The following ATIC variants were observed in gnomAD, a reference collection of about 807,000 sequenced individuals.
ATIC encodes 5-aminoimidazole-4-carboxamide ribonucleotide formyltransferase/IMP cyclohydrolase.
ATIC carries 64 observed loss-of-function variants against 72.5 expected under a neutral mutation model. The ratio of observed to expected loss-of-function variants is 0.88; its 90% CI spans 0.72 to 1.09. The LOEUF (loss-of-function observed/expected upper bound fraction) is 1.09, where lower values mean the gene tolerates loss of function less well. Ranked by LOEUF, ATIC falls within the 50% of genes least tolerant of loss-of-function variation. The probability of loss-of-function intolerance (pLI) is 0.00; values close to 1 mark genes in which losing one functional copy is unlikely to be tolerated. For missense variants in ATIC, 787 were observed against 732.4 expected (o/e 1.07, Z -0.86); for synonymous variants, 281 against 267.1 (o/e 1.05, Z -0.51).
At chr2:215,364,623 C>G in the ATIC span, 2 of 561,778 alleles carry the variant, frequency 3.6e-6, no homozygotes, top group Non-Finnish European at 6.4e-6. Context: ...AAGAATGACT[C>G]AAGACTTGTG....
At chr2:215,362,897 GAGTC>G in the ATIC span, 4 of 152,452 alleles carry the variant, frequency 2.6e-5, no homozygotes, top group Non-Finnish European at 1.5e-5. Flanking sequence ...GAGCAAGAGG[GAGTC>G]CGGGCGCCAT....
rs1443702390 is a variant in ATIC, at chr2:215,333,341, T to G, written c.815-9T>G. On this transcript the variant is annotated splice_polypyrimidine_tract_variant and intron_variant, in intron 8 of 15. Transcript: ENST00000236959. ...TTCTTTGTTTATGATTTTACTATTT[T>G]CTAACCAGGTGCTGCTGTTGGAATT... 1 of 1,612,712 alleles carries G rather than the reference T, an allele frequency of 6.2e-7. No homozygotes were observed. The highest frequency in any genetic ancestry group is 8.5e-7 in the Non-Finnish European group (1 of 1,178,846).
At chr2:215,367,833 C>A in the ATIC span, 67 of 1,611,808 alleles carry the variant, frequency 4.2e-5, no homozygotes, top group Admixed American at 1.1e-3. Context: ...GAGACAAACA[C>A]GGAAGTGGAT....
rs768294113 is a variant in ATIC, at chr2:215,349,640, G to A, written c.1764G>A (p.Arg588=). The stretch of plus-strand genomic sequence containing the variant: ...TCATCCTCGCTCATACGAACCTTCG[G>A]CTCTTCCACCACTGATTTTACCACA... The part of the protein sequence containing the change: ...LGIILAHTNL[R]LFHH Residue 588 remains arginine, a synonymous_variant, in exon 16 of 16, where the codon CGG becomes CGA. Transcript: ENST00000236959. 6.2e-7 allele frequency: 1 copy of A among 1,614,128 alleles called. No homozygotes were observed. The highest frequency in any genetic ancestry group is 1.1e-5 in the South Asian group (1 of 91,070).
At chr2:215,333,913 G>T (rs1391484991) in intron 9 of ATIC, among the ~76,000 whole-genome samples, 3 of 151,654 alleles carry the variant, frequency 2.0e-5, no homozygotes, top group Admixed American at 6.6e-5. Flanking sequence ...GTGGTGGGGG[G>T]TACCTGTAGT....
chr2:215,335,087 A>C (rs1575121308), intron 10 of ATIC, 83 bp downstream of exon 10: 1 of 791,750 alleles, frequency 1.3e-6, no homozygotes, highest in East Asian at 3.1e-5. Flanking sequence ...CATAACCTAT[A>C]ATATTTATAT....
At chr2:215,363,753 C>G in the ATIC span, 1 of 138,538 alleles carries the variant, frequency 7.2e-6, no homozygotes, top group African/African-American at 2.5e-5. Flanking sequence ...CTGTCACATT[C>G]CATTGCTTTT....
At chr2:215,333,749 G>A (rs1052923676) in intron 9 of ATIC, among the ~76,000 whole-genome samples, 1 of 152,104 alleles carries the variant, frequency 6.6e-6, no homozygotes, top group Non-Finnish European at 1.5e-5. Flanking sequence ...AAAAGTGTAT[G>A]TTAGTATTTT....
chr2:215,350,991 C>G (rs1049522865), downstream of ATIC, among the ~76,000 whole-genome samples: 3 of 152,200 alleles, frequency 2.0e-5, no homozygotes, highest in Non-Finnish European at 4.4e-5. Flanking sequence ...CTAGGACCTG[C>G]CCACATTGAA....
chr2:215,313,102 C>T (rs558561122), intron 2 of ATIC, among the ~76,000 whole-genome samples: 4 of 152,162 alleles, frequency 2.6e-5, no homozygotes, highest in Non-Finnish European at 4.4e-5. Flanking sequence ...GGACAACACA[C>T]TGGACAGATT....
chr2:215,347,482 C>T (rs1194510498), intron 14 of ATIC: 18 of 421,406 alleles, frequency 4.3e-5, no homozygotes, highest in South Asian at 7.5e-5. Flanking sequence ...GTAGGTAGCC[C>T]GCCAGAAGAA....
intron 9 of ATIC, among the ~76,000 whole-genome samples, chr2:215,333,997 G>A (rs1018868762): frequency 1.4e-4 from 21 of 151,072 alleles, no homozygotes; most frequent in African/African-American, 4.6e-4. Flanking sequence ...AGCCAAGATA[G>A]CGCCAGTGCA....
At chr2:215,326,510 TGA>T (rs1188707890) in intron 6 of ATIC, among the ~76,000 whole-genome samples, 2 of 151,506 alleles carry the variant, frequency 1.3e-5, no homozygotes, top group East Asian at 3.9e-4. Flanking sequence ...CTCGGGAGAC[TGA>T]GGCAGGAGAA....
chr2:215,362,039 G>C, the ATIC span: 1 of 1,614,114 alleles, frequency 6.2e-7, no homozygotes, highest in East Asian at 2.2e-5. Context: ...TTCGGGACTG[G>C]GTTCACCCCC....
intron 13 of ATIC, 60 bp downstream of exon 13, chr2:215,344,931 C>T: frequency 3.3e-6 from 5 of 1,501,494 alleles, no homozygotes; most frequent in Middle Eastern, 1.7e-4. Context: ...GATATTTAAA[C>T]ATCCGTCTGC....
intron 2 of ATIC, 80 bp downstream of exon 2, chr2:215,312,704 A>ATTT: frequency 6.2e-7 from 1 of 1,602,986 alleles, no homozygotes; most frequent in Non-Finnish European, 8.5e-7. Context: ...CCAGCAGCAA[A>ATTT]ACGCCTTATT....
chr2:215,320,990 C>T (rs997224579), intron 4 of ATIC, among the ~76,000 whole-genome samples: 33 of 152,328 alleles, frequency 2.2e-4, no homozygotes, highest in African/African-American at 7.9e-4. Context: ...AATCATCTCC[C>T]ACCAGGCCCC....
intron 12 of ATIC, among the ~76,000 whole-genome samples, chr2:215,342,415 G>A (rs1267493324): frequency 6.6e-6 from 1 of 152,128 alleles, no homozygotes; most frequent in East Asian, 1.9e-4. Flanking sequence ...GAGTTCCCAT[G>A]TAACCGTTAC....
the ATIC span, chr2:215,365,657 A>T: frequency 6.2e-7 from 1 of 1,612,598 alleles, no homozygotes. Flanking sequence ...AGTCAGGACC[A>T]AAAAGTTATT....
Sources: gnomAD v4.1 joint callset for allele counts (sites outside exome capture counted in the v4.1 genomes callset) on GRCh38, gnomAD v4.1.1 for gene constraint, MANE v1.5 for transcripts, NCBI Gene and HGNC (gene_info 2026-07-23, HGNC 2026-07-21) for gene names.